Variants in SAMMSON observed in about 807,000 individuals in gnomAD.
SAMMSON encodes long intergenic non-protein coding RNA 1212.
At chr3:70,016,768 G>A (rs1300057537) in intron 3 of SAMMSON, among the ~76,000 whole-genome samples, 3 of 152,136 alleles carry the variant, frequency 2.0e-5, no homozygotes, top group Admixed American at 2.0e-4. Context: ...TTTGTATAAG[G>A]TGTAAGGAAG....
In SAMMSON at chr3:70,261,873, T is replaced by C. The variant is rs538553895; in HGVS notation, n.674+12203T>C. Among the ~76,000 whole-genome samples, 15 of 152,232 alleles carry C rather than the reference T, an allele frequency of 9.9e-5. No individual in the cohort carries two copies. In the South Asian group the frequency reaches 3.1e-3, roughly 32 times the overall value. ...AACCCTTTTAGAAACAAGGGGTTTG[T>C]TATCCAAGAAGATCCGGGGCTGAAA... On this transcript the variant is annotated intron_variant and non_coding_transcript_variant, in intron 6 of 9. Transcript: ENST00000642114.
intron 7 of SAMMSON, among the ~76,000 whole-genome samples, chr3:70,335,818 A>G (rs370226879): frequency 6.6e-6 from 1 of 152,028 alleles, no homozygotes; most frequent in Non-Finnish European, 1.5e-5. Context: ...TCAGTCTTCA[A>G]ACTCTTCAAA....
rs79178244 is a variant in SAMMSON at position 70,260,099 on chromosome 3, C to A, written n.674+10429C>A. The stretch of plus-strand genomic sequence containing the variant: ...GTGGGGACACAAAACCCAACCATAT[C>A]AATTGGCTTACAGTTCTAAAGGCTA... On this transcript the variant is annotated intron_variant and non_coding_transcript_variant, in intron 6 of 9. Transcript: ENST00000642114. Among the ~76,000 whole-genome samples the A allele has an allele frequency of 7.5e-3, 1,141 of 152,294 alleles. 11 individuals are homozygous for A. The highest frequency in any genetic ancestry group is 0.026 in the African/African-American group (1,086 of 41,566).
Position 70,299,586 on chromosome 3 carries a change from C to T in SAMMSON, n.739+8343C>T, listed in dbSNP as rs76562217. On this transcript the variant is annotated intron_variant and non_coding_transcript_variant, in intron 7 of 9. Coordinates refer to ENST00000642114, the Ensembl canonical transcript of SAMMSON. ...CATGGCCAAGGCTCGTTGGAGTCAG[C>T]GTTCTCTTGGGTGCCAGCCCTTTGT... Among the ~76,000 whole-genome samples the T allele has an allele frequency of 6.2e-3, 940 of 152,242 alleles. 13 individuals are homozygous for T. Among genetic ancestry groups the T allele is most frequent in the African/African-American group, 0.022 (895 of 41,560 alleles).
chr3:70,091,042 T>C (rs146691088), intron 4 of SAMMSON, among the ~76,000 whole-genome samples: 34 of 152,298 alleles, frequency 2.2e-4, no homozygotes, highest in African/African-American at 7.2e-4. Flanking sequence ...AAAGGGGTCT[T>C]ATTTAATCTC....
intron 3 of SAMMSON, chr3:70,014,546 A>C (rs1046429330): frequency 6.6e-6 from 1 of 152,208 alleles, no homozygotes; most frequent in African/African-American, 2.4e-5. Context: ...AGCCAAATCC[A>C]TATGCATCGG....
chr3:70,349,238 G>T (rs141292878), intron 7 of SAMMSON, among the ~76,000 whole-genome samples: 1 of 152,106 alleles, frequency 6.6e-6, no homozygotes. Flanking sequence ...GCTGGGCACG[G>T]TGGCAGGTGC....
chr3:70,183,160 G>A (rs1383975963), intron 4 of SAMMSON, among the ~76,000 whole-genome samples: 1 of 152,190 alleles, frequency 6.6e-6, no homozygotes, highest in African/African-American at 2.4e-5. Flanking sequence ...TGTGAAGTAT[G>A]AAGATGAAAT....
intron 4 of SAMMSON, among the ~76,000 whole-genome samples, chr3:70,215,075 C>A (rs1175424302): frequency 6.6e-6 from 1 of 152,020 alleles, no homozygotes; most frequent in Non-Finnish European, 1.5e-5. Context: ...TCAAAATATT[C>A]TCTATTATGT....
intron 3 of SAMMSON, among the ~76,000 whole-genome samples, chr3:70,040,236 A>T (rs924441988): frequency 2.6e-5 from 4 of 152,158 alleles, no homozygotes; most frequent in Non-Finnish European, 5.9e-5. Flanking sequence ...AAGCAGATAT[A>T]TGTCACCTGT....
chr3:70,289,822 G>A (rs1702212663), intron 6 of SAMMSON, among the ~76,000 whole-genome samples: 1 of 151,660 alleles, frequency 6.6e-6, no homozygotes, highest in Non-Finnish European at 1.5e-5. Flanking sequence ...ATCTTCCATT[G>A]CTGATACCCT....
chr3:70,030,416 C>T (rs987717347), intron 3 of SAMMSON: 2 of 152,164 alleles, frequency 1.3e-5, no homozygotes, highest in African/African-American at 2.4e-5. Context: ...TCACTTTCTA[C>T]AAATATAACC....
At chr3:70,294,303 T>C (rs1377028009) in intron 7 of SAMMSON, among the ~76,000 whole-genome samples, 1 of 152,204 alleles carries the variant, frequency 6.6e-6, no homozygotes, top group Non-Finnish European at 1.5e-5. Flanking sequence ...CTGTTCACCC[T>C]AGGTCATGAA....
At chr3:70,187,096 C>T (rs973950280) in intron 4 of SAMMSON, among the ~76,000 whole-genome samples, 1 of 152,120 alleles carries the variant, frequency 6.6e-6, no homozygotes, top group Non-Finnish European at 1.5e-5. Context: ...GGCTCCTGAA[C>T]CCACCAAGGC....
chr3:70,267,477 A>G (rs1332543254), intron 6 of SAMMSON, among the ~76,000 whole-genome samples: 14 of 129,792 alleles, frequency 1.1e-4, no homozygotes, highest in Admixed American at 1.0e-3. Flanking sequence ...ATCTCCGCTC[A>G]CTGCAAGCTC....
At chr3:70,061,691 G>C (rs912793056) in intron 3 of SAMMSON, among the ~76,000 whole-genome samples, 1 of 152,014 alleles carries the variant, frequency 6.6e-6, no homozygotes, top group Non-Finnish European at 1.5e-5. Context: ...CCTGGGTTAG[G>C]TTATGACTGT....
intron 7 of SAMMSON, among the ~76,000 whole-genome samples, chr3:70,321,503 T>C (rs1268780364): frequency 6.6e-6 from 1 of 152,138 alleles, no homozygotes; most frequent in East Asian, 1.9e-4. Flanking sequence ...GATATTTGGG[T>C]GGTTTCCAAT....
At chr3:70,033,509 G>A (rs571732213) in intron 3 of SAMMSON, among the ~76,000 whole-genome samples, 72 of 152,292 alleles carry the variant, frequency 4.7e-4, no homozygotes, top group Admixed American at 1.4e-3. Context: ...AGAAGGGAGA[G>A]AGACTGGCGA....
chr3:70,255,295 A>C (rs959467007), intron 6 of SAMMSON, among the ~76,000 whole-genome samples: 1 of 152,374 alleles, frequency 6.6e-6, no homozygotes, highest in Admixed American at 6.5e-5. Context: ...ATGAAAAAAC[A>C]TACATACTGT....
Sources: gnomAD v4.1 joint callset for allele counts (sites outside exome capture counted in the v4.1 genomes callset) on GRCh38, gnomAD v4.1.1 for gene constraint, MANE v1.5 for transcripts, NCBI Gene and HGNC (gene_info 2026-07-23, HGNC 2026-07-21) for gene names.